Variants in PAX2 observed in about 807,000 individuals in gnomAD.
PAX2 encodes the protein paired box 2.
A neutral mutation model predicts 41.7 loss-of-function variants in PAX2; 9 were observed. The observed-to-expected ratio is 0.22, with a 90% CI of 0.13 to 0.38. PAX2 has a LOEUF of 0.38. Ranked by LOEUF, PAX2 falls within the 10% of genes least tolerant of loss-of-function variation. PAX2 has a pLI of 1.00. For missense variants in PAX2, 418 were observed against 531.6 expected (o/e 0.79, Z 2.10); for synonymous variants, 221 against 212.7 (o/e 1.04, Z -0.34).
chr10:100,768,913 A>T (rs1159273653), intron 3 of PAX2, among the ~76,000 whole-genome samples: 1 of 152,258 alleles, frequency 6.6e-6, no homozygotes, highest in African/African-American at 2.4e-5. Context: ...TGATAGAGTT[A>T]TAGTTGAATT....
intron 3 of PAX2, among the ~76,000 whole-genome samples, chr10:100,767,422 A>G (rs566659673): frequency 6.6e-6 from 1 of 152,260 alleles, no homozygotes; most frequent in South Asian, 2.1e-4. Flanking sequence ...GAGACAGGAC[A>G]ATTCAGTTCT....
Position 100,748,017 on chromosome 10 carries a change from C to G in PAX2, c.43+1714C>G, listed in dbSNP as rs995639624. The G allele has an allele frequency of 2.0e-6, 2 of 984,666 alleles. No homozygotes were observed. The highest frequency in any genetic ancestry group is 6.2e-5 in the Admixed American group (1 of 16,254). 61.0% of individuals were successfully genotyped at this position (984,666 alleles called of 1,614,324 possible). Reference sequence around the variant, plus strand: ...CAGCGCGGGCCCGCGGGCCGGTGGACTGGTGGGTGAGACACCGCAGCCCGA... The same window carrying G: ...CAGCGCGGGCCCGCGGGCCGGTGGAGTGGTGGGTGAGACACCGCAGCCCGA... On this transcript the variant is annotated intron_variant, in intron 1 of 9. Coordinates refer to ENST00000355243, the MANE Select transcript of PAX2 (RefSeq NM_000278.5). This position sits in a 1 kb window ranked among gnomAD's most constrained non-coding sequence, Gnocchi z 5.0.
chr10:100,826,797 G>A lies in PAX2; in HGVS notation c.1022-212G>A, dbSNP rs1037043715. Among the ~76,000 whole-genome samples the A allele has an allele frequency of 6.6e-6, 1 of 152,194 alleles. No homozygotes were observed. The highest frequency in any genetic ancestry group is 1.5e-5 in the Non-Finnish European group (1 of 68,024). On this transcript the variant is annotated intron_variant, in intron 8 of 9. Transcript: ENST00000355243. The surrounding 1 kb of genome is among the most constrained non-coding windows in gnomAD (Gnocchi z 5.5). ...AGGTCCCGCCCGTGGGTGTGCGAGC[G>A]CGTCGGTGCCTCCCGCCTCCCCGGG... is the stretch of plus-strand genomic sequence containing the variant.
chr10:100,777,124 C>A (rs1364352643), intron 3 of PAX2, among the ~76,000 whole-genome samples: 2 of 130,754 alleles, frequency 1.5e-5, no homozygotes, highest in African/African-American at 5.9e-5. Context: ...TTTTTTGAGA[C>A]GGAGTCTTAC....
upstream of PAX2, among the ~76,000 whole-genome samples, chr10:100,742,843 C>CTTTTTT (rs61627823): frequency 2.7e-4 from 11 of 41,248 alleles, 1 homozygote; most frequent in Non-Finnish European, 2.1e-4. Context: ...TTCTTTCTTC[C>CTTTTTT]TTTTTTTTTT....
chr10:100,750,698 T>C lies in PAX2; in HGVS notation c.217T>C (p.Tyr73His). ...GCVSKILGRY[Y>H]ETGSIKPGVI... ...CCGCCGGCTTTCCCGGCGCAGGTAC[T>C]ACGAGACCGGCAGCATCAAGCCGGG... Residue 73 changes from tyrosine (Y) to histidine (H), a missense_variant, in exon 3 of 10, where the codon TAC (tyrosine) becomes CAC (histidine). By Grantham distance (83) the Tyr-to-His change is moderately conservative. Around this residue, in one of 2 missense-constraint regions of PAX2, gnomAD observed 108 missense variants for 206.3 expected, o/e 0.52. Transcript: ENST00000355243. The surrounding 1 kb of genome is among the most constrained non-coding windows in gnomAD (Gnocchi z 4.1). 6.2e-7 allele frequency: 1 copy of C among 1,614,032 alleles called. No homozygotes were observed. Among genetic ancestry groups the C allele is most frequent in the Non-Finnish European group, 8.5e-7 (1 of 1,179,950 alleles).
In PAX2 at chr10:100,824,350, A is replaced by C. The variant is rs1157835509; in HGVS notation, c.920-298A>C. On this transcript the variant is annotated intron_variant, in intron 7 of 9. Transcript: ENST00000355243. The surrounding 1 kb of genome is among the most constrained non-coding windows in gnomAD (Gnocchi z 6.6). ...AATGCACAGAGACACAGGCAAAGGC[A>C]GATACACACACACACACACACACAC... Among the ~76,000 whole-genome samples, 1 of 134,276 alleles carries C rather than the reference A, an allele frequency of 7.4e-6. No homozygotes were observed. Among genetic ancestry groups the C allele is most frequent in the Non-Finnish European group, 1.6e-5 (1 of 64,042 alleles). 88.1% of individuals were successfully genotyped at this position (134,276 alleles called of 152,430 possible). A position where few individuals can be genotyped will look rare whatever the true frequency, so the allele number is the denominator to read the frequency against.
Position 100,809,120 on chromosome 10 carries a change from A to G in PAX2, c.803A>G (p.Tyr268Cys), listed in dbSNP as rs548691376. The G allele has an allele frequency of 6.2e-7, 1 of 1,613,204 alleles. No individual in the cohort carries two copies. Among genetic ancestry groups the G allele is most frequent in the African/African-American group, 1.3e-5 (1 of 74,858 alleles). Residue 268 changes from tyrosine to cysteine, a missense_variant, in exon 7 of 10, where the codon TAC becomes TGC. Tyr to Cys is a radical substitution (Grantham distance 194, BLOSUM62 -2). Coordinates refer to ENST00000355243, the MANE Select transcript of PAX2 (RefSeq NM_000278.5). ...TCTCTCTCCTCCCAGGGGAACGAGTACTCCCTCCCAGCCCTGACCCCTGGG... is the reference window on the plus strand; with the variant it reads ...TCTCTCTCCTCCCAGGGGAACGAGTGCTCCCTCCCAGCCCTGACCCCTGGG... Reference protein sequence around the residue: ...EHIKSEQGNEYSLPALTPGLD... With the variant: ...EHIKSEQGNECSLPALTPGLD...
chr10:100,794,347 A>C (rs1011699091), intron 5 of PAX2, among the ~76,000 whole-genome samples: 1 of 152,226 alleles, frequency 6.6e-6, no homozygotes, highest in African/African-American at 2.4e-5. Context: ...ATTACATAAT[A>C]TCTCTGAATC....
At chr10:100,741,229 G>A (rs369408388), upstream of PAX2, among the ~76,000 whole-genome samples, 1 of 152,090 alleles carries the variant, frequency 6.6e-6, no homozygotes, top group African/African-American at 2.4e-5. Flanking sequence ...CACGCAGGGA[G>A]CCCAAATATT....
chr10:100,757,002 A>G (rs1007361554), intron 3 of PAX2, among the ~76,000 whole-genome samples: 1 of 152,260 alleles, frequency 6.6e-6, no homozygotes, highest in Non-Finnish European at 1.5e-5. Context: ...GAAACATTAA[A>G]TCACGTTTGG....
intron 7 of PAX2, among the ~76,000 whole-genome samples, chr10:100,814,377 T>G (rs1350283360): frequency 1.2e-5 from 1 of 80,452 alleles, no homozygotes; most frequent in East Asian, 3.6e-4. Context: ...AAAAAAAAGA[T>G]CAAAGGAAGT....
chr10:100,824,147 T>A lies in PAX2; in HGVS notation c.920-501T>A, dbSNP rs567008435. On this transcript the variant is annotated intron_variant, in intron 7 of 9. Coordinates refer to ENST00000355243, the MANE Select transcript of PAX2 (RefSeq NM_000278.5). The surrounding 1 kb of genome is among the most constrained non-coding windows in gnomAD (Gnocchi z 6.6). ...AGGACAAGGAATAGCCATCAGTCCC[T>A]GTAGGGGTGATGGTGGGGTGTCCTC... is the stretch of plus-strand genomic sequence containing the variant. Among the ~76,000 whole-genome samples, 1 of 152,272 alleles carries A rather than the reference T, an allele frequency of 6.6e-6. No individual in the cohort carries two copies. The highest frequency in any genetic ancestry group is 2.1e-4 in the South Asian group (1 of 4,818).
Position 100,827,606 on chromosome 10 carries a change from A to G in PAX2, c.1172A>G (p.Tyr391Cys). Residue 391 changes from tyrosine to cysteine, a missense_variant, in exon 10 of 10, where the codon TAT becomes TGT. This residue lies in a region of PAX2 where 310 missense variants were observed against 325.2 expected (regional missense o/e 0.95). Coordinates refer to ENST00000355243, the MANE Select transcript of PAX2 (RefSeq NM_000278.5). This position sits in a 1 kb window ranked among gnomAD's most constrained non-coding sequence, Gnocchi z 8.5. ...GCCCCTGCCGCTGCTGCCGCTGCCTATGACCGCCACTAGTTACCGCGGGGA... is the reference window on the plus strand; with the variant it reads ...GCCCCTGCCGCTGCTGCCGCTGCCTGTGACCGCCACTAGTTACCGCGGGGA... Reference protein sequence around the residue: ...GSAPAAAAAAYDRH With the variant: ...GSAPAAAAAACDRH 1 of 1,613,306 alleles carries G rather than the reference A, an allele frequency of 6.2e-7. No individual in the cohort carries two copies. The highest frequency in any genetic ancestry group is 8.5e-7 in the Non-Finnish European group (1 of 1,179,762).
chr10:100,743,932 G>A (rs1004057488), upstream of PAX2, among the ~76,000 whole-genome samples: 3 of 152,240 alleles, frequency 2.0e-5, no homozygotes, highest in Non-Finnish European at 4.4e-5. Context: ...TACCCCGCAG[G>A]TGGATTAAGC....
upstream of PAX2, among the ~76,000 whole-genome samples, chr10:100,744,613 C>T (rs1014969497): frequency 3.9e-5 from 6 of 152,226 alleles, no homozygotes; most frequent in African/African-American, 9.6e-5. Context: ...CGTCCGCAGC[C>T]TCCTCTTCTC....
At chr10:100,797,378 G>A (rs1243158183) in intron 5 of PAX2, among the ~76,000 whole-genome samples, 1 of 152,244 alleles carries the variant, frequency 6.6e-6, no homozygotes, top group Non-Finnish European at 1.5e-5. Context: ...CCAGGGTTGA[G>A]TTCTGGCTCC....
chr10:100,794,250 G>C lies in PAX2; in HGVS notation c.617-12180G>C, dbSNP rs11190713. ...GCATCACTTTATACCAAGTCATGCG[G>C]GTTGAGGGAAGACCACGGGACGTGG... On this transcript the variant is annotated intron_variant, in intron 5 of 9. Transcript: ENST00000355243. Among the ~76,000 whole-genome samples, 68 of 152,370 alleles carry C rather than the reference G, an allele frequency of 4.5e-4. 1 individual carries two copies. Among genetic ancestry groups the C allele is most frequent in the Non-Finnish European group, 8.2e-4 (56 of 68,030 alleles).
chr10:100,814,548 G>C (rs538757788), intron 7 of PAX2, among the ~76,000 whole-genome samples: 1 of 152,294 alleles, frequency 6.6e-6, no homozygotes, highest in South Asian at 2.1e-4. Context: ...TGAGCCTCAG[G>C]CAACTCTGAA....
Sources: gnomAD v4.1 joint callset for allele counts (sites outside exome capture counted in the v4.1 genomes callset) on GRCh38, gnomAD v4.1.1 for gene constraint, gnomAD v4.1.1 regional missense constraint, Gnocchi (gnomAD v3.1) non-coding constraint, MANE v1.5 for transcripts, NCBI Gene and HGNC (gene_info 2026-07-23, HGNC 2026-07-21) for gene names.